The following BCL11B variants were observed in gnomAD, a reference collection of about 807,000 sequenced individuals.
BCL11B encodes B-cell lymphoma/leukemia 11B.
A neutral mutation model predicts 49.9 loss-of-function variants in BCL11B; 8 were observed. That is an observed-to-expected ratio of 0.16 (90% CI 0.09 to 0.29). The LOEUF is 0.29. Among genes scored for constraint, BCL11B ranks in the 10% least tolerant of loss-of-function variants. The pLI is 1.00. For missense variants in BCL11B, 1,006 were observed against 1,351.0 expected, an observed-to-expected ratio of 0.74 and a Z score of 4.00; for synonymous variants, 739 against 637.4, an observed-to-expected ratio of 1.16 and a Z score of -2.40.
rs755219654 is a variant in BCL11B, at chr14:99,176,079, C to T, written c.757G>A (p.Gly253Arg). The change falls in exon 4 of 4, where the codon GGG becomes AGG. Residue 253 changes from glycine (G) to arginine (R), a missense_variant. Gly to Arg is a moderately radical substitution (Grantham distance 125). Around this residue, in one of 6 missense-constraint regions of BCL11B, gnomAD observed 411 missense variants for 542.2 expected, o/e 0.76. Transcript: ENST00000357195. The stretch of plus-strand genomic sequence containing the variant: ...GGCGTGAGCGAGCTGCTGGCCGGCC[C>T]GGGCTCCAGGTAGATGCGGAAGCCG... ...THGFRIYLEP[G>R]PASSSLTPRL... is the part of the protein sequence containing the mutation. The T allele has an allele frequency of 1.2e-6, 2 of 1,606,926 alleles. No homozygotes were observed. The highest frequency in any genetic ancestry group is 8.5e-7 in the Non-Finnish European group (1 of 1,176,610).
chr14:99,254,667 T>C (rs1889105623), intron 2 of BCL11B, among the ~76,000 whole-genome samples: 1 of 152,100 alleles, frequency 6.6e-6, no homozygotes, highest in Non-Finnish European at 1.5e-5. Flanking sequence ...CAATAGCAGG[T>C]CATGGAGGGA....
Position 99,231,654 on chromosome 14 carries a change from G to T in BCL11B, c.428-97C>A, listed in dbSNP as rs966160930. ...GGCTCGGGGCGTGGGGCTCTGCTCA[G>T]GCCACCCTTCGGGGGTGGGAGGCCC... On this transcript the variant is annotated intron_variant, in intron 2 of 3. Transcript: ENST00000357195. The surrounding 1 kb of genome is among the most constrained non-coding windows in gnomAD (Gnocchi z 8.1). 7.5e-7 allele frequency: 1 copy of T among 1,329,032 alleles called. No individual in the cohort carries two copies. The allele number at this position is 1,329,032 out of a possible 1,614,324, so 82.3% of individuals were successfully genotyped here.
Position 99,187,615 on chromosome 14 carries a change from C to G in BCL11B, c.641-11420G>C, listed in dbSNP as rs141597279. Among the ~76,000 whole-genome samples, 170 of 147,790 alleles carry G rather than the reference C, an allele frequency of 1.2e-3. 1 individual carries two copies. Among genetic ancestry groups the G allele is most frequent in the African/African-American group, 4.1e-3 (164 of 39,848 alleles). ...AAAGAGAAGCACAGAGCAAACCATC[C>G]TTATCATTTAATGGACAAATAAAGA... On this transcript the variant is annotated intron_variant, in intron 3 of 3. Transcript: ENST00000357195.
rs148105609 is a variant in BCL11B at position 99,203,143 on chromosome 14, G to A, written c.641-26948C>T. ...GCTTTCCCCAACCACAGATCTGGAA[G>A]GCAAGGGCTGCTCCACTGCCCCATG... On this transcript the variant is annotated intron_variant, in intron 3 of 3. Transcript: ENST00000357195. 4.1e-3 allele frequency among the ~76,000 whole-genome samples: 629 copies of A among 152,282 alleles called. 5 individuals are homozygous for A. The highest frequency in any genetic ancestry group is 0.014 in the African/African-American group (599 of 41,554).
chr14:99,233,320 G>A (rs1329575786), intron 2 of BCL11B, among the ~76,000 whole-genome samples: 3 of 152,180 alleles, frequency 2.0e-5, no homozygotes, highest in Non-Finnish European at 4.4e-5. Flanking sequence ...GGAAAACTGA[G>A]GCTTAGGGAG....
At chr14:99,196,068 G>A (rs186930720) in intron 3 of BCL11B, among the ~76,000 whole-genome samples, 82 of 152,280 alleles carry the variant, frequency 5.4e-4, no homozygotes, top group Admixed American at 9.2e-4. Context: ...AAACCCCAGC[G>A]GTCCGAGGCT....
rs1888866577 is a variant in BCL11B at position 99,247,046 on chromosome 14, T to C, written c.427+10425A>G. 6.6e-6 allele frequency among the ~76,000 whole-genome samples: 1 copy of C among 152,086 alleles called. No homozygotes were observed. The highest frequency in any genetic ancestry group is 1.5e-5 in the Non-Finnish European group (1 of 68,008). On this transcript the variant is annotated intron_variant, in intron 2 of 3. Coordinates refer to ENST00000357195, the MANE Select transcript of BCL11B (RefSeq NM_138576.4). The surrounding 1 kb of genome is among the most constrained non-coding windows in gnomAD (Gnocchi z 4.5). ...CGCGTCCCGCCTCCCCGCAACACGC[T>C]GTTTTCAGCGTTCCAGACCACAGCG... is the stretch of plus-strand genomic sequence containing the variant.
chr14:99,240,591 C>T (rs1236388550), intron 2 of BCL11B, among the ~76,000 whole-genome samples: 2 of 152,150 alleles, frequency 1.3e-5, no homozygotes, highest in Non-Finnish European at 2.9e-5. Flanking sequence ...ATATACATAT[C>T]GTAAGCCTTC....
At chr14:99,182,069 G>C (rs987954935) in intron 3 of BCL11B, among the ~76,000 whole-genome samples, 1 of 152,118 alleles carries the variant, frequency 6.6e-6, no homozygotes, top group Non-Finnish European at 1.5e-5. Flanking sequence ...ATCATTCTGG[G>C]CACAGCCATC....
intron 3 of BCL11B, among the ~76,000 whole-genome samples, chr14:99,191,128 G>A (rs1292030067): frequency 2.0e-5 from 3 of 152,146 alleles, no homozygotes; most frequent in South Asian, 4.1e-4. Flanking sequence ...TAGGACAGTG[G>A]TTCTCAACTG....
chr14:99,249,368 T>TG lies in BCL11B; in HGVS notation c.427+8102dup, dbSNP rs112495322. 4.4e-3 allele frequency among the ~76,000 whole-genome samples: 669 copies of TG among 152,264 alleles called. 7 individuals are homozygous for TG. Among genetic ancestry groups the TG allele is most frequent in the African/African-American group, 0.015 (636 of 41,540 alleles). On this transcript the variant is annotated intron_variant, in intron 2 of 3. Transcript: ENST00000357195. Reference sequence around the variant, plus strand: ...TTACATGGGTAAACGTGTGCCATGGTGGTTTGCTGCACCTACCAACCCATC... The same window carrying TG: ...TTACATGGGTAAACGTGTGCCATGGTGGGTTTGCTGCACCTACCAACCCATC...
intron 3 of BCL11B, among the ~76,000 whole-genome samples, chr14:99,229,795 G>A (rs991470584): frequency 6.6e-6 from 1 of 151,974 alleles, no homozygotes; most frequent in African/African-American, 2.4e-5. Context: ...AGTGGTTGCC[G>A]AGGCTGCAGC....
chr14:99,179,570 A>G (rs1039782492), intron 3 of BCL11B, among the ~76,000 whole-genome samples: 9 of 150,520 alleles, frequency 6.0e-5, no homozygotes, highest in Middle Eastern at 3.5e-3. Flanking sequence ...AGGTGAGAAG[A>G]GCGATGTTTA....
Position 99,195,622 on chromosome 14 carries a change from C to T in BCL11B, c.641-19427G>A, listed in dbSNP as rs1887157676. 6.6e-6 allele frequency among the ~76,000 whole-genome samples: 1 copy of T among 152,120 alleles called. No individual in the cohort carries two copies. The highest frequency in any genetic ancestry group is 6.5e-5 in the Admixed American group (1 of 15,282). ...CCAAGCTCAGAGAGGTAAAGCAACC[C>T]ACCCGAGGATACACAGCTTACATCC... On this transcript the variant is annotated intron_variant, in intron 3 of 3. Coordinates refer to ENST00000357195, the MANE Select transcript of BCL11B (RefSeq NM_138576.4). This position sits in a 1 kb window ranked among gnomAD's most constrained non-coding sequence, Gnocchi z 4.7.
chr14:99,175,839 C>T lies in BCL11B; in HGVS notation c.997G>A (p.Glu333Lys), dbSNP rs1156410887. The T allele has an allele frequency of 6.8e-7, 1 of 1,478,620 alleles. No homozygotes were observed. Among genetic ancestry groups the T allele is most frequent in the Non-Finnish European group, 8.9e-7 (1 of 1,120,902 alleles). The allele number at this position is 1,478,620 out of a possible 1,614,324, so 91.6% of individuals were successfully genotyped here. A position where few individuals can be genotyped will look rare whatever the true frequency, so the allele number is the denominator to read the frequency against. The part of the protein sequence containing the change: ...HHLDPHRLSA[E>K]EMGLVAQHPS... ...TGCTGGGCGACGAGCCCCATCTCCT[C>T]GGCACTGAGGCGGTGCGGGTCCAGG... is the stretch of plus-strand genomic sequence containing the variant. The change falls in exon 4 of 4, where the codon GAG (glutamate) becomes AAG (lysine). Residue 333 changes from glutamate (E) to lysine (K), a missense_variant. This residue lies in a region of BCL11B where 411 missense variants were observed against 542.2 expected (regional missense o/e 0.76). Coordinates refer to ENST00000357195, the MANE Select transcript of BCL11B (RefSeq NM_138576.4).
At position 99,199,646 on chromosome 14, in the gene BCL11B, G is replaced by C. The variant is rs1412149352; in HGVS notation, c.641-23451C>G. Among the ~76,000 whole-genome samples the C allele has an allele frequency of 5.9e-3, 383 of 65,206 alleles. 3 individuals are homozygous for C. In the Middle Eastern group the frequency reaches 0.06, roughly 10 times the overall value. 42.8% of individuals were successfully genotyped at this position (65,206 alleles called of 152,430 possible). ...GCAGGGTTCTGGCTAAATGCTGTGT[G>C]TGTGTGTGTGTGTGTGTGTGTGTGT... On this transcript the variant is annotated intron_variant, in intron 3 of 3. Coordinates refer to ENST00000357195, the MANE Select transcript of BCL11B (RefSeq NM_138576.4).
In BCL11B at chr14:99,184,363, G is replaced by GACA. The variant is rs1886792807; in HGVS notation, c.641-8169_641-8168insTGT. Among the ~76,000 whole-genome samples the GACA allele has an allele frequency of 6.6e-6, 1 of 152,188 alleles. No homozygotes were observed. The highest frequency in any genetic ancestry group is 2.4e-5 in the African/African-American group (1 of 41,454). The stretch of plus-strand genomic sequence containing the variant: ...TTCATACTGATCACCATACTGAACT[G>GACA]TCATCTTTTGTCTTTGACCTTGGTG... On this transcript the variant is annotated intron_variant, in intron 3 of 3. Transcript: ENST00000357195. This position sits in a 1 kb window ranked among gnomAD's most constrained non-coding sequence, Gnocchi z 6.1.
chr14:99,180,036 G>A (rs1320717648), intron 3 of BCL11B, among the ~76,000 whole-genome samples: 2 of 152,148 alleles, frequency 1.3e-5, no homozygotes, highest in African/African-American at 4.8e-5. Flanking sequence ...CTGGTGAGCA[G>A]GCTGCTTCTG....
At chr14:99,179,792 C>A (rs1365189645) in intron 3 of BCL11B, among the ~76,000 whole-genome samples, 1 of 152,106 alleles carries the variant, frequency 6.6e-6, no homozygotes, top group African/African-American at 2.4e-5. Flanking sequence ...TCTTTCCAGT[C>A]CCCACTCCCT....
Sources: gnomAD v4.1 joint callset for allele counts (sites outside exome capture counted in the v4.1 genomes callset) on GRCh38, gnomAD v4.1.1 for gene constraint, gnomAD v4.1.1 regional missense constraint, Gnocchi (gnomAD v3.1) non-coding constraint, MANE v1.5 for transcripts, NCBI Gene and HGNC (gene_info 2026-07-23, HGNC 2026-07-21) for gene names.